IL1RAPL1: variants seen among roughly 807,000 people sequenced by gnomAD.
IL1RAPL1 encodes the protein interleukin 1 receptor accessory protein like 1, also known as interleukin-1 receptor accessory protein-like 1.
In IL1RAPL1, 3 loss-of-function variants were observed where a neutral mutation model predicts 48.4. That is an observed-to-expected ratio of 0.06 (90% CI 0.03 to 0.16). IL1RAPL1 has a LOEUF of 0.16. IL1RAPL1 is among the 10% of genes least tolerant of loss of function. IL1RAPL1 has a pLI of 1.00. For missense variants in IL1RAPL1, 349 were observed against 530.6 expected (o/e 0.66, Z 3.36); for synonymous variants, 185 against 187.7 (o/e 0.99, Z 0.12).
chrX:28,724,943 CA>C (rs1935645933), intron 1 of IL1RAPL1, among the ~76,000 whole-genome samples: 2 of 105,655 alleles, frequency 1.9e-5, no homozygotes, highest in African/African-American at 7.0e-5. Context: ...ACCTCCAACT[CA>C]ATTTGTTTTT....
intron 3 of IL1RAPL1, among the ~76,000 whole-genome samples, chrX:29,293,479 A>G (rs768526261): frequency 9.0e-6 from 1 of 111,485 alleles, no homozygotes; most frequent in Non-Finnish European, 1.9e-5. Flanking sequence ...AAAAGTATCA[A>G]ATTAATATGG....
At chrX:29,941,190 C>A (rs1211813283) in intron 8 of IL1RAPL1, among the ~76,000 whole-genome samples, 1 of 112,167 alleles carries the variant, frequency 8.9e-6, no homozygotes, top group Non-Finnish European at 1.9e-5. Context: ...GATCAAGATT[C>A]TCATTGGGAG....
intron 6 of IL1RAPL1, among the ~76,000 whole-genome samples, chrX:29,678,152 A>G (rs1368807063): frequency 9.1e-6 from 1 of 110,360 alleles, no homozygotes; most frequent in Non-Finnish European, 1.9e-5. Context: ...AGTATGTACA[A>G]TGCCACTTGA....
intron 5 of IL1RAPL1, among the ~76,000 whole-genome samples, chrX:29,414,555 C>CA (rs1312896956): frequency 4.5e-5 from 5 of 110,466 alleles, no homozygotes; most frequent in East Asian, 2.9e-4. Context: ...CCTATCTCTA[C>CA]AAAAAAATAC....
At chrX:29,183,314 A>T (rs921637405) in intron 2 of IL1RAPL1, among the ~76,000 whole-genome samples, 3 of 111,746 alleles carry the variant, frequency 2.7e-5, no homozygotes, top group Non-Finnish European at 5.6e-5. Flanking sequence ...ATCTGAATCA[A>T]TATAGCTTTC....
At chrX:28,670,273 T>C (rs1274226573) in intron 1 of IL1RAPL1, among the ~76,000 whole-genome samples, 1 of 111,957 alleles carries the variant, frequency 8.9e-6, no homozygotes, top group Non-Finnish European at 1.9e-5. Context: ...ATACTTTTGC[T>C]GACTCATCAG....
intron 5 of IL1RAPL1, among the ~76,000 whole-genome samples, chrX:29,479,985 G>A (rs1197302190): frequency 9.1e-6 from 1 of 110,436 alleles, no homozygotes; most frequent in Non-Finnish European, 1.9e-5. Flanking sequence ...ACATGCACAT[G>A]CATGTGTCTT....
At chrX:28,930,636 T>A (rs1228955567) in intron 2 of IL1RAPL1, among the ~76,000 whole-genome samples, 1 of 112,124 alleles carries the variant, frequency 8.9e-6, no homozygotes, top group African/African-American at 3.2e-5. Flanking sequence ...TTTTTATTTT[T>A]AATTTTTATT....
chrX:29,365,047 T>TATTTTCAATTCTTA (rs761293577), intron 3 of IL1RAPL1, among the ~76,000 whole-genome samples: 2 of 112,523 alleles, frequency 1.8e-5, no homozygotes, highest in Admixed American at 1.9e-4. Context: ...TATTAATACA[T>TATTTTCAATTCTTA]ATTTTCAATT....
intron 2 of IL1RAPL1, among the ~76,000 whole-genome samples, chrX:29,168,881 A>ATATATATATTCATATGTACAATTG (rs1555971029): frequency 1.2e-5 from 1 of 82,440 alleles, no homozygotes; most frequent in African/African-American, 4.0e-5. Flanking sequence ...GTACAATTGT[A>ATATATATATTCATATGTACAATTG]TATATATATT....
chrX:29,908,317 C>T (rs765880750), intron 6 of IL1RAPL1, among the ~76,000 whole-genome samples: 4 of 108,894 alleles, frequency 3.7e-5, no homozygotes, highest in South Asian at 8.1e-4. Flanking sequence ...AGGGGAAGAC[C>T]GCTTGAGCCC....
At chrX:28,652,475 G>A (rs1336923647) in intron 1 of IL1RAPL1, among the ~76,000 whole-genome samples, 3 of 111,583 alleles carry the variant, frequency 2.7e-5, no homozygotes, top group African/African-American at 9.8e-5. Context: ...TAATAAATTA[G>A]CATTTTATTT....
chrX:29,652,666 T>A (rs1413687254), intron 5 of IL1RAPL1, among the ~76,000 whole-genome samples: 2 of 111,601 alleles, frequency 1.8e-5, no homozygotes, highest in Non-Finnish European at 3.8e-5. Flanking sequence ...GTAAAAGTCT[T>A]AGCTTGTTAA....
At chrX:29,899,239 AAG>A (rs1932450812) in intron 6 of IL1RAPL1, among the ~76,000 whole-genome samples, 1 of 111,127 alleles carries the variant, frequency 9.0e-6, no homozygotes, top group Non-Finnish European at 1.9e-5. Flanking sequence ...TCCAAAAAGA[AAG>A]AAAGAATTTT....
intron 2 of IL1RAPL1, among the ~76,000 whole-genome samples, chrX:29,056,467 A>G (rs1927216273): frequency 9.0e-6 from 1 of 111,655 alleles, no homozygotes; most frequent in East Asian, 2.8e-4. Flanking sequence ...TCTTTCATAT[A>G]CGTGTTTATT....
At chrX:28,705,736 C>T (rs963218772) in intron 1 of IL1RAPL1, among the ~76,000 whole-genome samples, 2 of 111,555 alleles carry the variant, frequency 1.8e-5, no homozygotes, top group African/African-American at 6.5e-5. Context: ...TTCTAGAAAC[C>T]GGTATTTATC....
intron 1 of IL1RAPL1, among the ~76,000 whole-genome samples, chrX:28,615,710 C>G (rs1240685635): frequency 9.0e-6 from 1 of 110,598 alleles, no homozygotes; most frequent in Non-Finnish European, 1.9e-5. Context: ...AGATCTGTGG[C>G]TGCATCTATT....
chrX:29,710,021 T>G (rs1927296994), intron 6 of IL1RAPL1, among the ~76,000 whole-genome samples: 1 of 112,055 alleles, frequency 8.9e-6, no homozygotes. Context: ...ACCCACAACT[T>G]TACTGAATTT....
At chrX:29,495,773 G>A (rs1035314684) in intron 5 of IL1RAPL1, among the ~76,000 whole-genome samples, 1 of 111,209 alleles carries the variant, frequency 9.0e-6, no homozygotes, top group African/African-American at 3.3e-5. Context: ...TAGCCCTTGT[G>A]CCCAAACAAC....
Sources: allele counts gnomAD v4.1 joint callset (sites outside exome capture counted in the v4.1 genomes callset), GRCh38; gene constraint gnomAD v4.1.1; transcripts MANE v1.5; gene names NCBI Gene and HGNC (gene_info 2026-07-23, HGNC 2026-07-21).